The following CLRN1 variants were observed in gnomAD, a reference collection of about 807,000 sequenced individuals.
The protein encoded by CLRN1 is clarin 1, also known as clarin-1.
In CLRN1, 15 loss-of-function variants were observed where a neutral mutation model predicts 18.7. That is an observed-to-expected ratio of 0.80 (90% CI 0.54 to 1.23). The LOEUF (loss-of-function observed/expected upper bound fraction) is 1.23. Ranked by LOEUF, CLRN1 falls within the 50% of genes most tolerant of loss-of-function variation. CLRN1 has a pLI of 0.00. For synonymous variants in CLRN1, 104 were observed against 102.9 expected, an observed-to-expected ratio of 1.01 and a Z score of -0.07; for missense variants, 311 against 277.5, an observed-to-expected ratio of 1.12 and a Z score of -0.86.
In CLRN1 at chr3:150,926,612, G is replaced by A. The variant is rs1376312042; in HGVS notation, c.*1324C>T. 11 of 710,002 alleles carry A rather than the reference G, an allele frequency of 1.5e-5. No individual in the cohort carries two copies. The highest frequency in any genetic ancestry group is 5.5e-5 in the East Asian group (2 of 36,440). 44.0% of individuals were successfully genotyped at this position (710,002 alleles called of 1,614,324 possible). ...GTTCTGATGTCTGCTGGCGAATAGCGAATTGACACCAGAGCAAGTTATTTC... is the reference window on the plus strand; with the variant it reads ...GTTCTGATGTCTGCTGGCGAATAGCAAATTGACACCAGAGCAAGTTATTTC... On this transcript the variant is annotated 3_prime_UTR_variant, in exon 3 of 3. Transcript: ENST00000327047.
At chr3:150,954,095 T>C (rs1576639860) in intron 1 of CLRN1, among the ~76,000 whole-genome samples, 3 of 152,218 alleles carry the variant, frequency 2.0e-5, no homozygotes, top group Non-Finnish European at 4.4e-5. Flanking sequence ...ATAATCAAGA[T>C]ATAGAACAAT....
intron 1 of CLRN1, among the ~76,000 whole-genome samples, chr3:150,954,445 A>G (rs1232867625): frequency 2.0e-5 from 3 of 152,178 alleles, no homozygotes; most frequent in African/African-American, 4.8e-5. Flanking sequence ...ATGTGTTTGT[A>G]TCTTTTGTGC....
At chr3:150,955,371 G>A (rs1032472322) in intron 1 of CLRN1, among the ~76,000 whole-genome samples, 2 of 152,140 alleles carry the variant, frequency 1.3e-5, no homozygotes, top group African/African-American at 4.8e-5. Context: ...AATCTAAGAA[G>A]GATGAATTTT....
rs1191312081 is a variant in CLRN1 at position 150,926,675 on chromosome 3, A to G, written c.*1261T>C. The stretch of plus-strand genomic sequence containing the variant: ...TTGTTTCATCCTTGTAAATAGTTCC[A>G]AAGGGAAACAGTGTTTTATTTTAAG... On this transcript the variant is annotated 3_prime_UTR_variant, in exon 3 of 3. Coordinates refer to ENST00000327047, the MANE Select transcript of CLRN1 (RefSeq NM_174878.3). 9.6e-7 allele frequency: 1 copy of G among 1,042,984 alleles called. No homozygotes were observed. The highest frequency in any genetic ancestry group is 2.0e-5 in the Admixed American group (1 of 51,104). The allele number at this position is 1,042,984 out of a possible 1,614,324, so 64.6% of individuals were successfully genotyped here. A position where few individuals can be genotyped will look rare whatever the true frequency, so the allele number is the denominator to read the frequency against.
intron 1 of CLRN1, among the ~76,000 whole-genome samples, chr3:150,954,413 C>G (rs2107971607): frequency 6.6e-6 from 1 of 152,194 alleles, no homozygotes; most frequent in East Asian, 1.9e-4. Flanking sequence ...GCTTATTTGC[C>G]TTTCATAGGT....
chr3:150,943,681 T>C (rs1713988507), intron 1 of CLRN1: 1 of 1,399,514 alleles, frequency 7.1e-7, no homozygotes, highest in Non-Finnish European at 1.0e-6. Context: ...CCCTTTGCCC[T>C]CACAGGCAGA....
chr3:150,931,294 T>C (rs1290445648), intron 2 of CLRN1, among the ~76,000 whole-genome samples: 2 of 152,148 alleles, frequency 1.3e-5, no homozygotes, highest in Non-Finnish European at 2.9e-5. Context: ...AGAATAAGAC[T>C]CAACCTACAC....
In CLRN1 at chr3:150,927,524, G is replaced by A. The variant is rs1712871237; in HGVS notation, c.*412C>T. 2.2e-6 allele frequency: 1 copy of A among 455,344 alleles called. No individual in the cohort carries two copies. Among genetic ancestry groups the A allele is most frequent in the Non-Finnish European group, 4.4e-6 (1 of 227,986 alleles). 28.2% of individuals were successfully genotyped at this position (455,344 alleles called of 1,614,324 possible). The stretch of plus-strand genomic sequence containing the variant: ...GTTTTAGGAAAGCGATTGCAGCTCA[G>A]TTTTCTGAAATCTGGCAACAAATGT... On this transcript the variant is annotated 3_prime_UTR_variant, in exon 3 of 3. Transcript: ENST00000327047.
intron 1 of CLRN1, among the ~76,000 whole-genome samples, chr3:150,965,209 A>T (rs757355291): frequency 2.4e-4 from 36 of 152,112 alleles, no homozygotes; most frequent in Non-Finnish European, 4.9e-4. Context: ...TCTGCTACCT[A>T]TTAGCTATGT....
At chr3:150,961,052 A>C (rs1251549839) in intron 1 of CLRN1, among the ~76,000 whole-genome samples, 1 of 152,248 alleles carries the variant, frequency 6.6e-6, no homozygotes, top group Non-Finnish European at 1.5e-5. Flanking sequence ...CATTGCCCTG[A>C]GGCCAGGTGG....
intron 1 of CLRN1, among the ~76,000 whole-genome samples, chr3:150,958,633 T>C (rs1372996690): frequency 6.6e-6 from 1 of 152,266 alleles, no homozygotes; most frequent in Non-Finnish European, 1.5e-5. Flanking sequence ...GTTTCTTCAA[T>C]GCCATCTAGT....
intron 2 of CLRN1, among the ~76,000 whole-genome samples, chr3:150,932,309 T>C (rs1280511213): frequency 3.3e-5 from 5 of 152,172 alleles, no homozygotes; most frequent in Admixed American, 3.3e-4. Flanking sequence ...TGAATGACTC[T>C]GAGGGCACCT....
intron 2 of CLRN1, 79 bp from the exon 3 acceptor site, chr3:150,928,280 A>G: frequency 6.5e-7 from 1 of 1,534,856 alleles, no homozygotes; most frequent in Non-Finnish European, 8.9e-7. Flanking sequence ...TGTGTAAACC[A>G]AGGAATTCTC....
At position 150,927,552 on chromosome 3, in the gene CLRN1, G is replaced by A. The variant is rs1712872610; in HGVS notation, c.*384C>T. On this transcript the variant is annotated 3_prime_UTR_variant, in exon 3 of 3. Transcript: ENST00000327047. ...TTCTGAAATCTGGCAACAAATGTGT[G>A]GATATATTAGAGATATTATTTGTTT... The A allele has an allele frequency of 2.2e-6, 1 of 458,350 alleles. No individual in the cohort carries two copies. The highest frequency in any genetic ancestry group is 2.3e-5 in the Admixed American group (1 of 42,584). The allele number at this position is 458,350 out of a possible 1,614,324, so 28.4% of individuals were successfully genotyped here.
intron 1 of CLRN1, among the ~76,000 whole-genome samples, chr3:150,952,155 T>C (rs889758161): frequency 1.3e-5 from 2 of 152,188 alleles, no homozygotes; most frequent in African/African-American, 4.8e-5. Context: ...GCTCGTCTTA[T>C]AGGATGGATC....
At chr3:150,929,851 T>C (rs1346957190) in intron 2 of CLRN1, among the ~76,000 whole-genome samples, 1 of 152,208 alleles carries the variant, frequency 6.6e-6, no homozygotes, top group Non-Finnish European at 1.5e-5. Context: ...TGTATTACAG[T>C]GTCTTTTTTT....
chr3:150,937,075 C>T (rs939574969), intron 2 of CLRN1, among the ~76,000 whole-genome samples: 4 of 152,134 alleles, frequency 2.6e-5, no homozygotes, highest in Admixed American at 6.6e-5. Context: ...TTTATGTACA[C>T]TTTTGAAATT....
chr3:150,945,691 C>G, intron 1 of CLRN1: 1 of 1,238,374 alleles, frequency 8.1e-7, no homozygotes, highest in Non-Finnish European at 1.0e-6. Context: ...TTCTCACAAT[C>G]AGAAAAATGC....
intron 2 of CLRN1, among the ~76,000 whole-genome samples, chr3:150,930,256 G>C (rs992961347): frequency 1.3e-5 from 2 of 152,152 alleles, no homozygotes; most frequent in African/African-American, 4.8e-5. Flanking sequence ...TGGACTGTGG[G>C]GGGAGAGTAC....
Sources: gnomAD v4.1 joint callset for allele counts (sites outside exome capture counted in the v4.1 genomes callset) on GRCh38, gnomAD v4.1.1 for gene constraint, MANE v1.5 for transcripts, NCBI Gene and HGNC (gene_info 2026-07-23, HGNC 2026-07-21) for gene names.